Variants in SH3GL2 observed in about 807,000 individuals in gnomAD.
SH3GL2 encodes SH3 domain containing GRB2 like 2, endophilin A1, also known as endophilin-A1.
SH3GL2 carries 24 observed loss-of-function variants against 46.0 expected under a neutral mutation model. The observed-to-expected ratio is 0.52, with a 90% CI of 0.38 to 0.73. The LOEUF (loss-of-function observed/expected upper bound fraction) is 0.73, where lower values mean the gene tolerates loss of function less well. SH3GL2 is among the 30% of genes least tolerant of loss of function. The pLI is 0.00. For synonymous variants in SH3GL2, 196 were observed against 147.1 expected, an observed-to-expected ratio of 1.33 and a Z score of -2.40; for missense variants, 413 against 424.2, an observed-to-expected ratio of 0.97 and a Z score of 0.23.
chr9:17,757,498 T>C (rs561643047), intron 2 of SH3GL2, among the ~76,000 whole-genome samples: 5 of 152,312 alleles, frequency 3.3e-5, no homozygotes, highest in African/African-American at 1.2e-4. Flanking sequence ...GGGCGAAGGA[T>C]ATGAACAGTT....
At chr9:17,655,739 G>A (rs117991284) in intron 1 of SH3GL2, among the ~76,000 whole-genome samples, 566 of 152,160 alleles carry the variant, frequency 3.7e-3, no homozygotes, top group Non-Finnish European at 5.7e-3. Flanking sequence ...TTCTAGCCCC[G>A]TGCATCGTTT....
chr9:17,707,098 T>C (rs1821490859), intron 1 of SH3GL2, among the ~76,000 whole-genome samples: 1 of 151,962 alleles, frequency 6.6e-6, no homozygotes, highest in East Asian at 1.9e-4. Context: ...CCTACAGTAA[T>C]GGGGGGAACT....
intron 1 of SH3GL2, among the ~76,000 whole-genome samples, chr9:17,643,638 T>C (rs1323110525): frequency 6.6e-6 from 1 of 152,200 alleles, no homozygotes; most frequent in Non-Finnish European, 1.5e-5. Context: ...ATTACGCTTA[T>C]TGATTTGTAT....
At chr9:17,627,203 A>C (rs1328697302) in intron 1 of SH3GL2, among the ~76,000 whole-genome samples, 1 of 152,166 alleles carries the variant, frequency 6.6e-6, no homozygotes, top group Non-Finnish European at 1.5e-5. Flanking sequence ...ATTAGCACTC[A>C]CCAATGAGAC....
intron 1 of SH3GL2, among the ~76,000 whole-genome samples, chr9:17,596,678 C>T (rs1183206717): frequency 2.0e-5 from 3 of 152,188 alleles, no homozygotes; most frequent in African/African-American, 4.8e-5. Flanking sequence ...TGTTAATAGT[C>T]TCTGGCAGGC....
intron 1 of SH3GL2, among the ~76,000 whole-genome samples, chr9:17,658,702 A>G (rs2147736): frequency 0.54 from 82,583 of 152,094 alleles, 23,746 homozygotes; most frequent in African/African-American, 0.72. Context: ...GAGAGCTGTT[A>G]GAAATTACAG....
intron 1 of SH3GL2, among the ~76,000 whole-genome samples, chr9:17,644,514 C>G (rs1346375813): frequency 6.6e-6 from 1 of 152,086 alleles, no homozygotes; most frequent in Non-Finnish European, 1.5e-5. Flanking sequence ...CCCAGAGATT[C>G]TGGTACACTG....
At chr9:17,615,851 A>G (rs1022478066) in intron 1 of SH3GL2, among the ~76,000 whole-genome samples, 19 of 152,272 alleles carry the variant, frequency 1.2e-4, no homozygotes, top group African/African-American at 4.3e-4. Flanking sequence ...AACTACTGTA[A>G]TCATTTTAAT....
At chr9:17,696,598 C>G (rs1821209078) in intron 1 of SH3GL2, among the ~76,000 whole-genome samples, 2 of 152,156 alleles carry the variant, frequency 1.3e-5, no homozygotes, top group Middle Eastern at 6.8e-3. Flanking sequence ...AAGTGCCGAG[C>G]AAAGGGGGAA....
At chr9:17,631,027 G>A (rs555397141) in intron 1 of SH3GL2, among the ~76,000 whole-genome samples, 3 of 151,920 alleles carry the variant, frequency 2.0e-5, no homozygotes, top group Admixed American at 2.0e-4. Context: ...AATATGTGAT[G>A]TTTGATAGCA....
intron 1 of SH3GL2, among the ~76,000 whole-genome samples, chr9:17,682,490 G>T (rs140681604): frequency 2.4e-4 from 37 of 152,092 alleles, no homozygotes; most frequent in African/African-American, 8.7e-4. Context: ...GTTCTGGTAA[G>T]TGCGAGTTGA....
chr9:17,606,120 TC>T (rs375537625), intron 1 of SH3GL2, among the ~76,000 whole-genome samples: 123 of 151,872 alleles, frequency 8.1e-4, no homozygotes, highest in African/African-American at 2.4e-3. Flanking sequence ...TGAGATGGAG[TC>T]TCACTCTGTT....
At chr9:17,774,879 T>C (rs910675268) in intron 3 of SH3GL2, among the ~76,000 whole-genome samples, 13 of 151,664 alleles carry the variant, frequency 8.6e-5, no homozygotes, top group Non-Finnish European at 1.9e-4. Context: ...TTCAAATATT[T>C]GGTAGAAGTC....
rs536343779 is a variant in SH3GL2, at chr9:17,612,183, G to T, written c.45+32896G>T. Reference sequence around the variant, plus strand: ...GTCTGTCCTCTCTCTCTAGTTCTGTGCACAGAAGGAACAGGAACAGGAACA... The same window carrying T: ...GTCTGTCCTCTCTCTCTAGTTCTGTTCACAGAAGGAACAGGAACAGGAACA... On this transcript the variant is annotated intron_variant, in intron 1 of 8. Transcript: ENST00000380607. Among the ~76,000 whole-genome samples, 7 of 152,238 alleles carry T rather than the reference G, an allele frequency of 4.6e-5. No homozygotes were observed. The East Asian group carries it at 1.2e-3, about 25-fold the overall frequency.
chr9:17,784,880 C>A (rs1823910317), intron 3 of SH3GL2, among the ~76,000 whole-genome samples: 1 of 152,082 alleles, frequency 6.6e-6, no homozygotes, highest in South Asian at 2.1e-4. Context: ...GCCCTGCTAA[C>A]TTTTAAATTT....
At position 17,793,489 on chromosome 9, in the gene SH3GL2, A is replaced by G. The variant is rs1824192990; in HGVS notation, c.851A>G (p.Lys284Arg). ...GGTCTCTCCCACACAGGCACTCCCAAACCTTCAGGTAAGAGCTGAAACTGC... is the reference window on the plus strand; with the variant it reads ...GGTCTCTCCCACACAGGCACTCCCAGACCTTCAGGTAAGAGCTGAAACTGC... ...NGGLSHTGTP[K>R]PSGVQMDQPC... Residue 284 changes from lysine to arginine, a missense_variant, in exon 8 of 9, where the codon AAA becomes AGA. Transcript: ENST00000380607. 6 of 1,613,036 alleles carry G rather than the reference A, an allele frequency of 3.7e-6. No individual in the cohort carries two copies. Among genetic ancestry groups the G allele is most frequent in the Non-Finnish European group, 5.1e-6 (6 of 1,179,648 alleles).
At chr9:17,718,010 T>C (rs1821802592) in intron 1 of SH3GL2, among the ~76,000 whole-genome samples, 1 of 152,142 alleles carries the variant, frequency 6.6e-6, no homozygotes, top group South Asian at 2.1e-4. Flanking sequence ...TGCAGGTTAT[T>C]TGGGCTTGGC....
intron 1 of SH3GL2, among the ~76,000 whole-genome samples, chr9:17,731,137 G>T (rs1822167963): frequency 6.6e-6 from 1 of 152,080 alleles, no homozygotes; most frequent in Admixed American, 6.6e-5. Flanking sequence ...AGCGTCCTTT[G>T]GTTATGCCAA....
At position 17,787,365 on chromosome 9, in the gene SH3GL2, T is replaced by G. The variant is rs1823991110; in HGVS notation, c.332-15T>G. ...TCTTTATTCTGTAACATGAAAGAGC[T>G]TTATTCTCTCCTAGGCCCAGCACTT... On this transcript the variant is annotated splice_polypyrimidine_tract_variant and intron_variant, in intron 4 of 8. Transcript: ENST00000380607. The G allele has an allele frequency of 6.2e-7, 1 of 1,607,426 alleles. No individual in the cohort carries two copies. Among genetic ancestry groups the G allele is most frequent in the African/African-American group, 1.3e-5 (1 of 74,562 alleles).
Sources: allele counts gnomAD v4.1 joint callset (sites outside exome capture counted in the v4.1 genomes callset), GRCh38; gene constraint gnomAD v4.1.1; transcripts MANE v1.5; gene names NCBI Gene and HGNC (gene_info 2026-07-23, HGNC 2026-07-21).